Variants in SIPA1L3 observed in about 807,000 individuals in gnomAD.
SIPA1L3 encodes signal induced proliferation associated 1 like 3.
In SIPA1L3, 59 loss-of-function variants were observed where a neutral mutation model predicts 150.1. The observed-to-expected ratio is 0.39, with a 90% CI of 0.32 to 0.49. The LOEUF (loss-of-function observed/expected upper bound fraction) is 0.49, where lower values mean the gene tolerates loss of function less well. Among genes scored for constraint, SIPA1L3 ranks in the 20% least tolerant of loss-of-function variants. SIPA1L3 has a pLI of 0.86. For synonymous variants in SIPA1L3, 1,070 were observed against 1,077.6 expected (o/e 0.99, Z 0.14); for missense variants, 2,211 against 2,489.5 (o/e 0.89, Z 2.38).
chr19:37,970,340 G>A (rs1446243074), intron 1 of SIPA1L3, among the ~76,000 whole-genome samples: 2 of 152,154 alleles, frequency 1.3e-5, no homozygotes, highest in African/African-American at 2.4e-5. Context: ...ATTTCACCAC[G>A]TTAAGTGGAG....
chr19:38,089,328 C>CAAAAAAAAA (rs55806031), intron 4 of SIPA1L3, among the ~76,000 whole-genome samples: 2 of 64,290 alleles, frequency 3.1e-5, no homozygotes, highest in Non-Finnish European at 3.4e-5. Context: ...GACTGTGTCT[C>CAAAAAAAAA]AAAAAAAAAA....
At chr19:37,973,572 C>A (rs2145598831) in intron 1 of SIPA1L3, among the ~76,000 whole-genome samples, 1 of 129,468 alleles carries the variant, frequency 7.7e-6, no homozygotes, top group East Asian at 3.1e-4. Flanking sequence ...GGGGGCGCAT[C>A]TTGAAGCACT....
rs572188253 is a variant in SIPA1L3 at position 38,116,478 on chromosome 19, G to A, written c.2292-2828G>A. Among the ~76,000 whole-genome samples the A allele has an allele frequency of 5.6e-5, 8 of 142,442 alleles. No homozygotes were observed. In the East Asian group the frequency reaches 8.3e-4, roughly 15 times the overall value. 93.4% of individuals were successfully genotyped at this position (142,442 alleles called of 152,430 possible). ...GCAGAGGTTGCAGTGAGCCGAGATC[G>A]CGCCACTGCAATCTAGCCAGGGCAA... On this transcript the variant is annotated intron_variant, in intron 8 of 21. Coordinates refer to ENST00000222345, the MANE Select transcript of SIPA1L3 (RefSeq NM_015073.3).
At chr19:37,967,345 C>T (rs1475400981) in intron 1 of SIPA1L3, among the ~76,000 whole-genome samples, 1 of 151,168 alleles carries the variant, frequency 6.6e-6, no homozygotes, top group East Asian at 1.9e-4. Context: ...CTCCGCCTCC[C>T]TGGGTTCAAG....
rs571033171 is a variant in SIPA1L3, at chr19:38,058,600, T to C, written c.-310-22656T>C. 7.9e-5 allele frequency among the ~76,000 whole-genome samples: 12 copies of C among 152,284 alleles called. No individual in the cohort carries two copies. In the East Asian group the frequency reaches 1.2e-3, roughly 15 times the overall value. ...TGTGTTCATCCAGGCGAAGTGGCCCTGCAGGTTCTGGGAGTGGAAATCTCT... is the reference window on the plus strand; with the variant it reads ...TGTGTTCATCCAGGCGAAGTGGCCCCGCAGGTTCTGGGAGTGGAAATCTCT... On this transcript the variant is annotated intron_variant, in intron 2 of 21. Coordinates refer to ENST00000222345, the MANE Select transcript of SIPA1L3 (RefSeq NM_015073.3).
chr19:38,092,327 C>T (rs144663882), intron 4 of SIPA1L3, among the ~76,000 whole-genome samples: 73 of 152,078 alleles, frequency 4.8e-4, no homozygotes, highest in Admixed American at 2.9e-3. Flanking sequence ...TGGAACAAAC[C>T]TGCACGTTGT....
At position 38,138,962 on chromosome 19, in the gene SIPA1L3, G is replaced by A. The variant is rs566454023; in HGVS notation, c.3144-2222G>A. Among the ~76,000 whole-genome samples the A allele has an allele frequency of 3.7e-4, 55 of 147,078 alleles. 1 individual carries two copies. Among genetic ancestry groups the A allele is most frequent in the East Asian group, 2.7e-3 (13 of 4,872 alleles). On this transcript the variant is annotated intron_variant, in intron 10 of 21. Coordinates refer to ENST00000222345, the MANE Select transcript of SIPA1L3 (RefSeq NM_015073.3). ...TGTAATCCCAACACTTTGGGAGGCC[G>A]AGGAGGACAGATTACTTGAGGTCAG... is the stretch of plus-strand genomic sequence containing the variant.
rs372518130 is a variant in SIPA1L3, at chr19:38,182,793, T to G, written c.4430+53T>G. On this transcript the variant is annotated intron_variant, in intron 16 of 21. Transcript: ENST00000222345. ...CCCGCCAGATCCACACCAGGGCGTC[T>G]CCGGGGCGGAAAGAGGGTGATGCCA... is the stretch of plus-strand genomic sequence containing the variant. 3,414 of 1,427,302 alleles carry G rather than the reference T, an allele frequency of 2.4e-3. 15 individuals are homozygous for G. The highest frequency in any genetic ancestry group is 0.011 in the South Asian group (885 of 80,012). 88.4% of individuals were successfully genotyped at this position (1,427,302 alleles called of 1,614,324 possible). A position where few individuals can be genotyped will look rare whatever the true frequency, so the allele number is the denominator to read the frequency against.
At chr19:37,989,731 TCTC>T (rs1967451536) in intron 1 of SIPA1L3, among the ~76,000 whole-genome samples, 1 of 149,826 alleles carries the variant, frequency 6.7e-6, no homozygotes, top group East Asian at 2.0e-4. Flanking sequence ...AATGGCGTGA[TCTC>T]AGCTCACTGC....
chr19:38,079,356 CATCAGTG>C (rs1969925631), intron 2 of SIPA1L3, among the ~76,000 whole-genome samples: 1 of 152,160 alleles, frequency 6.6e-6, no homozygotes, highest in South Asian at 2.1e-4. Context: ...ACTGGGAATG[CATCAGTG>C]AACAACACAG....
intron 1 of SIPA1L3, among the ~76,000 whole-genome samples, chr19:37,942,796 A>G (rs833926): frequency 0.29 from 44,544 of 151,824 alleles, 7,847 homozygotes; most frequent in East Asian, 0.6. Flanking sequence ...GTGGGTTGAA[A>G]GGTTTACCAG....
At chr19:38,171,380 C>CA in intron 15 of SIPA1L3, among the ~76,000 whole-genome samples, 1 of 123,524 alleles carries the variant, frequency 8.1e-6, no homozygotes, top group Non-Finnish European at 1.8e-5. Context: ...ATCCCCCTAC[C>CA]AAAACTTTTT....
intron 15 of SIPA1L3, among the ~76,000 whole-genome samples, chr19:38,180,537 C>CTTTTTT (rs60445902): frequency 4.8e-5 from 6 of 124,676 alleles, no homozygotes; most frequent in African/African-American, 1.5e-4. Flanking sequence ...TTTTTCTTTT[C>CTTTTTT]TTTTTTTTTT....
intron 16 of SIPA1L3, among the ~76,000 whole-genome samples, chr19:38,188,900 G>A (rs1400944284): frequency 6.7e-6 from 1 of 150,144 alleles, no homozygotes; most frequent in Non-Finnish European, 1.5e-5. Flanking sequence ...TCCAGCCTGG[G>A]AGACAGCGAG....
At chr19:37,970,093 G>A (rs963743270) in intron 1 of SIPA1L3, among the ~76,000 whole-genome samples, 1 of 152,160 alleles carries the variant, frequency 6.6e-6, no homozygotes, top group African/African-American at 2.4e-5. Flanking sequence ...AAATAGAATT[G>A]TTACTCATTT....
At position 38,119,529 on chromosome 19, in the gene SIPA1L3, G is replaced by A. The variant is rs781256283; in HGVS notation, c.2515G>A (p.Asp839Asn). Residue 839 changes from aspartate to asparagine, a missense_variant, in exon 9 of 22, where the codon GAC (aspartate) becomes AAC (asparagine). Transcript: ENST00000222345. ...AENCVSNTPI[D>N]STGKFNLISL... The stretch of plus-strand genomic sequence containing the variant: ...AAACTGTGTCTCCAACACCCCCATC[G>A]ACTCCACCGGCAAATTCAACCTCAT... 8.1e-6 allele frequency: 13 copies of A among 1,614,038 alleles called. No homozygotes were observed. Among genetic ancestry groups the A allele is most frequent in the South Asian group, 1.1e-5 (1 of 91,080 alleles).
chr19:38,012,327 C>T (rs1320869997), intron 1 of SIPA1L3, among the ~76,000 whole-genome samples: 1 of 152,038 alleles, frequency 6.6e-6, no homozygotes, highest in Non-Finnish European at 1.5e-5. Context: ...CTCAAGCGTT[C>T]CTCCCACCTC....
intron 1 of SIPA1L3, among the ~76,000 whole-genome samples, chr19:38,015,677 T>C (rs953962431): frequency 5.8e-5 from 8 of 137,766 alleles, no homozygotes; most frequent in African/African-American, 1.9e-4. Flanking sequence ...TGAGCTGTGA[T>C]CAGGTCACAG....
intron 11 of SIPA1L3, 139 bp downstream of exon 11, chr19:38,141,574 C>G (rs952007472): frequency 1.1e-6 from 1 of 928,036 alleles, no homozygotes; most frequent in Middle Eastern, 3.4e-4. Flanking sequence ...CCTTATGTCT[C>G]CCTTGTTCCT....
Sources: allele counts gnomAD v4.1 joint callset (sites outside exome capture counted in the v4.1 genomes callset), GRCh38; gene constraint gnomAD v4.1.1; transcripts MANE v1.5; gene names NCBI Gene and HGNC (gene_info 2026-07-23, HGNC 2026-07-21).